Variants in GPN1 observed in about 807,000 individuals in gnomAD.
GPN1 encodes ATP(GTP)-binding protein.
In GPN1, 44 loss-of-function variants were observed where a neutral mutation model predicts 55.9. The observed-to-expected ratio is 0.79, with a 90% CI of 0.62 to 1.01. GPN1 has a LOEUF of 1.01. Among genes scored for constraint, GPN1 ranks in the 50% least tolerant of loss-of-function variants. The pLI is 0.00. For missense variants in GPN1, 466 were observed against 462.8 expected, an observed-to-expected ratio of 1.01 and a Z score of -0.06; for synonymous variants, 179 against 162.5, an observed-to-expected ratio of 1.10 and a Z score of -0.77.
chr2:27,649,027 T>G (rs1674379143), intron 13 of GPN1, among the ~76,000 whole-genome samples: 1 of 151,546 alleles, frequency 6.6e-6, no homozygotes, highest in African/African-American at 2.4e-5. Flanking sequence ...GCGGATCACC[T>G]GAGGCCAGGA....
intron 2 of GPN1, among the ~76,000 whole-genome samples, 164 bp downstream of exon 2, chr2:27,630,116 T>G (rs1270673016): frequency 2.0e-5 from 3 of 152,044 alleles, no homozygotes; most frequent in Non-Finnish European, 4.4e-5. Flanking sequence ...TGAAACTCCA[T>G]CTCTACTAAA....
At position 27,629,078 on chromosome 2, in the gene GPN1, C is replaced by T. The variant is rs779244994; in HGVS notation, c.20C>T (p.Ala7Val). The T allele has an allele frequency of 1.9e-6, 3 of 1,614,258 alleles. No homozygotes were observed. The highest frequency in any genetic ancestry group is 1.1e-5 in the South Asian group (1 of 91,092). The change falls in exon 1 of 14, where the codon GCC becomes GTC. Residue 7 changes from alanine (A) to valine (V), a missense_variant. Coordinates refer to ENST00000610189, the MANE Select transcript of GPN1 (RefSeq NM_007266.4). MAASAA[A>V]AELQASGGPR... ...AGGAAGATGGCGGCGTCCGCAGCTG[C>T]CGCTGAGCTCCAGGCTTCTGGGGGT...
chr2:27,633,699 A>G (rs936806558), intron 5 of GPN1, among the ~76,000 whole-genome samples: 1 of 149,806 alleles, frequency 6.7e-6, no homozygotes, highest in Non-Finnish European at 1.5e-5. Context: ...CTGGTCTCAA[A>G]CTCCTAACCT....
chr2:27,639,549 G>C (rs1673858985), intron 9 of GPN1, among the ~76,000 whole-genome samples: 1 of 151,280 alleles, frequency 6.6e-6, no homozygotes, highest in Non-Finnish European at 1.5e-5. Context: ...AGAGGATCTT[G>C]CTTTGTTTTA....
Position 27,629,795 on chromosome 2 carries a change from G to A in GPN1, c.112-64G>A, listed in dbSNP as rs1438179474. 7 of 882,884 alleles carry A rather than the reference G, an allele frequency of 7.9e-6. No individual in the cohort carries two copies. In the East Asian group the frequency reaches 1.4e-4, roughly 18 times the overall value. The allele number at this position is 882,884 out of a possible 1,614,324, so 54.7% of individuals were successfully genotyped here. On this transcript the variant is annotated intron_variant, in intron 1 of 13. Coordinates refer to ENST00000610189, the MANE Select transcript of GPN1 (RefSeq NM_007266.4). ...ATATTCTTAAGGCATGGGTGTTAAA[G>A]GAATGGAAGTTCTCTCTTGTCCCCT...
In GPN1 at chr2:27,643,976, C is replaced by T. The variant is rs921265419; in HGVS notation, c.931+1457C>T. On this transcript the variant is annotated intron_variant, in intron 12 of 13. Transcript: ENST00000610189. This position sits in a 1 kb window ranked among gnomAD's most constrained non-coding sequence, Gnocchi z 4.0. ...GGTGGATCACTTGAGGTCAGGAATT[C>T]GAGACCAGCCTGGCCAACATGGTGA... Among the ~76,000 whole-genome samples, 1 of 152,098 alleles carries T rather than the reference C, an allele frequency of 6.6e-6. No homozygotes were observed.
intron 13 of GPN1, 31 bp downstream of exon 13, chr2:27,647,974 C>A: frequency 8.3e-7 from 1 of 1,203,012 alleles, no homozygotes; most frequent in Non-Finnish European, 1.2e-6. Flanking sequence ...CCCGTGGCAA[C>A]AGAGCATCTG....
intron 5 of GPN1, among the ~76,000 whole-genome samples, chr2:27,633,883 C>T (rs1673638417): frequency 6.6e-6 from 1 of 151,870 alleles, no homozygotes; most frequent in South Asian, 2.1e-4. Flanking sequence ...TCCACAGAGT[C>T]GTGTGTTGAT....
chr2:27,637,632 G>A (rs1444079970), intron 7 of GPN1, among the ~76,000 whole-genome samples: 1 of 152,156 alleles, frequency 6.6e-6, no homozygotes, highest in Non-Finnish European at 1.5e-5. Flanking sequence ...TATTTGTAAA[G>A]AATAAAGGAG....
At chr2:27,634,247 C>G (rs1269101884) in intron 5 of GPN1, among the ~76,000 whole-genome samples, 1 of 151,986 alleles carries the variant, frequency 6.6e-6, no homozygotes, top group Non-Finnish European at 1.5e-5. Context: ...TAAAAAAATT[C>G]TGATATAATT....
intron 13 of GPN1, among the ~76,000 whole-genome samples, chr2:27,649,736 G>A (rs1383214510): frequency 6.6e-6 from 1 of 152,102 alleles, no homozygotes; most frequent in Non-Finnish European, 1.5e-5. Context: ...TTCCATTATT[G>A]TGGATGTTCC....
chr2:27,650,061 A>C (rs1379519234), intron 13 of GPN1, 54 bp from the exon 14 acceptor site: 2 of 952,836 alleles, frequency 2.1e-6, no homozygotes, highest in East Asian at 2.4e-5. Flanking sequence ...GACGGGCTCT[A>C]ATCAGTTTGT....
intron 13 of GPN1, among the ~76,000 whole-genome samples, chr2:27,649,352 A>G (rs982422570): frequency 9.9e-5 from 15 of 152,026 alleles, no homozygotes; most frequent in African/African-American, 1.7e-4. Context: ...TGGGTTTTAC[A>G]TGTAAATTGC....
intron 7 of GPN1, among the ~76,000 whole-genome samples, chr2:27,637,117 C>T (rs886664516): frequency 6.6e-6 from 1 of 152,096 alleles, no homozygotes; most frequent in South Asian, 2.1e-4. Flanking sequence ...TGACTCCCCC[C>T]AAACTTAATT....
intron 11 of GPN1, among the ~76,000 whole-genome samples, chr2:27,641,652 G>A (rs1673956856): frequency 6.6e-6 from 1 of 152,178 alleles, no homozygotes; most frequent in Non-Finnish European, 1.5e-5. Context: ...AGAGTGCAGT[G>A]GCACGATCGC....
chr2:27,640,367 T>C (rs1412926928), intron 10 of GPN1, among the ~76,000 whole-genome samples: 2 of 152,252 alleles, frequency 1.3e-5, no homozygotes, highest in African/African-American at 4.8e-5. Flanking sequence ...ATCAGACTTT[T>C]CTGTAAAGAG....
rs10201652 is a variant in GPN1 at position 27,651,465 on chromosome 2, A to C, written c.*1265A>C. 0.54 allele frequency: 82,749 copies of C among 152,206 alleles called. 23,323 individuals carry two copies. The highest frequency in any genetic ancestry group is 0.61 in the African/African-American group (25,380 of 41,466). The allele number at this position is 152,206 out of a possible 1,614,324, so 9.4% of individuals were successfully genotyped here. On this transcript the variant is annotated 3_prime_UTR_variant, in exon 14 of 14. Coordinates refer to ENST00000610189, the MANE Select transcript of GPN1 (RefSeq NM_007266.4). ...TCGTCTTGACCATCTGGTGCCTGTT[A>C]TGCAGTTTAACATTCTGCAGCAATA...
chr2:27,628,658 G>A (rs1174906474), upstream of GPN1: 23 of 1,551,390 alleles, frequency 1.5e-5, no homozygotes, highest in Non-Finnish European at 1.9e-5. Context: ...GAATAAGCCC[G>A]AGCAGCCGGT....
At chr2:27,629,217 C>T (rs1477235015) in intron 1 of GPN1, 48 bp downstream of exon 1, 37 of 1,595,392 alleles carry the variant, frequency 2.3e-5, no homozygotes, top group Non-Finnish European at 2.9e-5. Context: ...AAGGTTGCCT[C>T]CGGCAGGCGG....
Sources: gnomAD v4.1 joint callset for allele counts (sites outside exome capture counted in the v4.1 genomes callset) on GRCh38, gnomAD v4.1.1 for gene constraint, Gnocchi (gnomAD v3.1) non-coding constraint, MANE v1.5 for transcripts, NCBI Gene and HGNC (gene_info 2026-07-23, HGNC 2026-07-21) for gene names.